Variants in COL22A1 observed in about 807,000 individuals in gnomAD.
COL22A1 encodes the protein collagen alpha-1(XXII) chain.
In COL22A1, 221 loss-of-function variants were observed where a neutral mutation model predicts 248.9. The ratio of observed to expected loss-of-function variants is 0.89; its 90% CI spans 0.80 to 0.99. The LOEUF is 0.99. Among genes scored for constraint, COL22A1 ranks in the 50% least tolerant of loss-of-function variants. The probability of loss-of-function intolerance (pLI) is 0.00; values close to 1 mark genes in which losing one functional copy is unlikely to be tolerated. For synonymous variants in COL22A1, 891 were observed against 793.4 expected (o/e 1.12, Z -2.07); for missense variants, 2,240 against 2,179.0 (o/e 1.03, Z -0.56).
chr8:138,784,279 T>C (rs1211448309), intron 12 of COL22A1, among the ~76,000 whole-genome samples: 1 of 152,202 alleles, frequency 6.6e-6, no homozygotes, highest in African/African-American at 2.4e-5. Flanking sequence ...TTTGGGAATA[T>C]TTCATGAGAG....
chr8:138,635,215 T>C lies in COL22A1; in HGVS notation c.3556-152A>G, dbSNP rs1821045098. The C allele has an allele frequency of 6.9e-6, 4 of 583,744 alleles. No homozygotes were observed. The African/African-American group carries it at 7.6e-5, about 11-fold the overall frequency. 36.2% of individuals were successfully genotyped at this position (583,744 alleles called of 1,614,324 possible). A position where few individuals can be genotyped will look rare whatever the true frequency, so the allele number is the denominator to read the frequency against. On this transcript the variant is annotated intron_variant, in intron 48 of 64. Coordinates refer to ENST00000303045, the MANE Select transcript of COL22A1 (RefSeq NM_152888.3). ...ACACTGACAATAAAAGGGACTTCTT[T>C]TTATATATCTCAATAATAACTGACA...
chr8:138,602,154 G>T lies in COL22A1; in HGVS notation c.4146C>A (p.Val1382=). ...ATCCAGGCTCTCCAGGCTTCCCAGGGACCCCCTGCAAGGAGAAAGAAAGGA... is the reference window on the plus strand; with the variant it reads ...ATCCAGGCTCTCCAGGCTTCCCAGGTACCCCCTGCAAGGAGAAAGAAAGGA... ...GEKGVPGKEG[V]PGKPGEPGFK... Residue 1382 remains valine (V), a synonymous_variant, in exon 60 of 65, where the codon GTC becomes GTA. Coordinates refer to ENST00000303045, the MANE Select transcript of COL22A1 (RefSeq NM_152888.3). The T allele has an allele frequency of 6.2e-7, 1 of 1,614,004 alleles. No individual in the cohort carries two copies. The highest frequency in any genetic ancestry group is 8.5e-7 in the Non-Finnish European group (1 of 1,180,000).
chr8:138,604,583 G>C (rs1217938697), intron 59 of COL22A1, 151 bp downstream of exon 59: 7 of 685,122 alleles, frequency 1.0e-5, no homozygotes, highest in Non-Finnish European at 1.8e-5. Flanking sequence ...ACATGAGCCA[G>C]GTGTTCAAAA....
Position 138,826,677 on chromosome 8 carries a change from T to C in COL22A1, c.950A>G (p.Asp317Gly), listed in dbSNP as rs1459222304. The change falls in exon 6 of 65, where the codon GAC becomes GGC. Residue 317 changes from aspartate to glycine, a missense_variant. Physicochemically the swap from Asp to Gly is moderately conservative, Grantham distance 94. Coordinates refer to ENST00000303045, the MANE Select transcript of COL22A1 (RefSeq NM_152888.3). ...CCTTACCTGTGGGATGCTGTACTGGTCGATGACCTGCCAGATATACCAGTC... is the reference window on the plus strand; with the variant it reads ...CCTTACCTGTGGGATGCTGTACTGGCCGATGACCTGCCAGATATACCAGTC... ...KEDWYIWQVI[D>G]QYSIPQVSIR... 6.2e-7 allele frequency: 1 copy of C among 1,613,902 alleles called. No individual in the cohort carries two copies. The highest frequency in any genetic ancestry group is 8.5e-7 in the Non-Finnish European group (1 of 1,179,908).
intron 42 of COL22A1, among the ~76,000 whole-genome samples, chr8:138,662,439 G>A (rs527432907): frequency 6.6e-6 from 1 of 152,056 alleles, no homozygotes; most frequent in Admixed American, 6.5e-5. Context: ...AACCAGCCCC[G>A]AGAGCTCTAA....
Position 138,649,790 on chromosome 8 carries a change from G to T in COL22A1, c.3334-12C>A. 6.6e-7 allele frequency: 1 copy of T among 1,515,366 alleles called. No homozygotes were observed. Among genetic ancestry groups the T allele is most frequent in the South Asian group, 1.2e-5 (1 of 81,040 alleles). 93.9% of individuals were successfully genotyped at this position (1,515,366 alleles called of 1,614,324 possible). A position where few individuals can be genotyped will look rare whatever the true frequency, so the allele number is the denominator to read the frequency against. ...TCATTGCACACATCCTGAGAGTGGG[G>T]AGAGAGGTGGGGACAAAGAGAGAAT... On this transcript the variant is annotated splice_polypyrimidine_tract_variant and intron_variant, in intron 45 of 64. Coordinates refer to ENST00000303045, the MANE Select transcript of COL22A1 (RefSeq NM_152888.3).
intron 3 of COL22A1, among the ~76,000 whole-genome samples, chr8:138,848,340 A>G (rs1821393482): frequency 6.6e-6 from 1 of 152,168 alleles, no homozygotes. Context: ...CTCTTCACAC[A>G]GCATGCGTTC....
chr8:138,723,321 T>A (rs987329841), intron 25 of COL22A1, among the ~76,000 whole-genome samples: 2 of 152,082 alleles, frequency 1.3e-5, no homozygotes, highest in African/African-American at 4.8e-5. Context: ...AGAGCAGGTG[T>A]CCTGGAAGCC....
chr8:138,660,038 C>T (rs937362063), intron 44 of COL22A1, among the ~76,000 whole-genome samples: 1 of 152,184 alleles, frequency 6.6e-6, no homozygotes, highest in Non-Finnish European at 1.5e-5. Flanking sequence ...GAGGTTAAAC[C>T]CCTGGAATGT....
chr8:138,820,356 T>A (rs1819006077), intron 7 of COL22A1, among the ~76,000 whole-genome samples: 1 of 152,284 alleles, frequency 6.6e-6, no homozygotes, highest in Admixed American at 6.5e-5. Flanking sequence ...ATGGAACATG[T>A]GGATCACTGT....
chr8:138,912,668 G>A (rs753222255), intron 1 of COL22A1, among the ~76,000 whole-genome samples: 3 of 152,104 alleles, frequency 2.0e-5, no homozygotes, highest in Admixed American at 6.5e-5. Flanking sequence ...GCTTGAACCC[G>A]GGAGGCAGAG....
intron 23 of COL22A1, among the ~76,000 whole-genome samples, chr8:138,736,680 A>G (rs929902270): frequency 6.6e-6 from 1 of 152,138 alleles, no homozygotes; most frequent in Non-Finnish European, 1.5e-5. Flanking sequence ...AGTTGGGCCA[A>G]GTATGAGGAC....
chr8:138,659,191 A>G lies in COL22A1; in HGVS notation c.3285+1245T>C, dbSNP rs779597115. 2.0e-4 allele frequency among the ~76,000 whole-genome samples: 30 copies of G among 152,268 alleles called. 1 individual carries two copies. In the South Asian group the frequency reaches 2.5e-3, roughly 13 times the overall value. On this transcript the variant is annotated intron_variant, in intron 44 of 64. Transcript: ENST00000303045. ...ACAGGGGAGGAAACAGGAGTAATTA[A>G]GATGTCCCTAACTTCCAACAAGACT...
chr8:138,887,916 A>T (rs9324498), intron 1 of COL22A1, among the ~76,000 whole-genome samples: 1 of 151,984 alleles, frequency 6.6e-6, no homozygotes, highest in Admixed American at 6.5e-5. Flanking sequence ...TCACTCCTTC[A>T]ATCTTTGGTT....
chr8:138,623,362 G>T (rs1322129632), intron 52 of COL22A1, among the ~76,000 whole-genome samples: 1 of 150,982 alleles, frequency 6.6e-6, no homozygotes, highest in East Asian at 2.0e-4. Flanking sequence ...GATCTCTCCA[G>T]ATATCAGATT....
intron 8 of COL22A1, among the ~76,000 whole-genome samples, chr8:138,812,633 G>A (rs1475936809): frequency 3.3e-5 from 5 of 152,022 alleles, no homozygotes; most frequent in Non-Finnish European, 7.4e-5. Context: ...CTGGTGGCAC[G>A]GACAGTCATC....
intron 12 of COL22A1, among the ~76,000 whole-genome samples, chr8:138,784,796 T>A (rs545523820): frequency 6.6e-6 from 1 of 152,292 alleles, no homozygotes; most frequent in East Asian, 1.9e-4. Flanking sequence ...TCAGTGTTTA[T>A]GAAACAAAGT....
intron 5 of COL22A1, among the ~76,000 whole-genome samples, chr8:138,828,506 AT>A (rs2131800071): frequency 6.6e-6 from 1 of 152,322 alleles, no homozygotes; most frequent in East Asian, 1.9e-4. Flanking sequence ...TGTTTCTCAG[AT>A]TCAATAAAGC....
chr8:138,867,980 G>A (rs1165456144), intron 3 of COL22A1, among the ~76,000 whole-genome samples: 1 of 152,124 alleles, frequency 6.6e-6, no homozygotes, highest in African/African-American at 2.4e-5. Context: ...GGTCAGGATG[G>A]TCTTGATCTC....
Sources: gnomAD v4.1 joint callset for allele counts (sites outside exome capture counted in the v4.1 genomes callset) on GRCh38, gnomAD v4.1.1 for gene constraint, MANE v1.5 for transcripts, NCBI Gene and HGNC (gene_info 2026-07-23, HGNC 2026-07-21) for gene names.